Variants in GLG1 observed in about 807,000 individuals in gnomAD.
The protein encoded by GLG1 is Golgi apparatus protein 1.
Under a neutral mutation model 160.5 loss-of-function variants are expected in GLG1, and 38 were observed. That is an observed-to-expected ratio of 0.24 (90% CI 0.18 to 0.31). GLG1 has a LOEUF of 0.31. GLG1 is among the 10% of genes least tolerant of loss of function. The probability of loss-of-function intolerance (pLI) is 1.00; values close to 1 mark genes in which losing one functional copy is unlikely to be tolerated. For synonymous variants in GLG1, 644 were observed against 543.4 expected (o/e 1.19, Z -2.57); for missense variants, 1,373 against 1,505.2 (o/e 0.91, Z 1.45).
At chr16:74,489,378 G>A (rs893744090) in intron 8 of GLG1, among the ~76,000 whole-genome samples, 2 of 151,932 alleles carry the variant, frequency 1.3e-5, no homozygotes, top group African/African-American at 4.8e-5. Flanking sequence ...GGTTGAGGCA[G>A]GAGAATCATT....
At chr16:74,574,349 T>C (rs2018926191) in intron 1 of GLG1, among the ~76,000 whole-genome samples, 1 of 152,162 alleles carries the variant, frequency 6.6e-6, no homozygotes, top group South Asian at 2.1e-4. Context: ...AAATATTATC[T>C]AATATAAAAG....
intron 1 of GLG1, among the ~76,000 whole-genome samples, chr16:74,591,919 T>C (rs938734570): frequency 1.3e-5 from 2 of 152,194 alleles, no homozygotes; most frequent in African/African-American, 2.4e-5. Context: ...TTTCCTTTGA[T>C]AGGCAGTATT....
intron 1 of GLG1, among the ~76,000 whole-genome samples, chr16:74,576,809 A>G (rs574067486): frequency 1.3e-5 from 2 of 152,316 alleles, no homozygotes; most frequent in South Asian, 4.1e-4. Context: ...ATAATCTTTG[A>G]GTATACTTTC....
At chr16:74,472,275 T>A in intron 14 of GLG1, 74 bp downstream of exon 14, 1 of 947,908 alleles carries the variant, frequency 1.1e-6, no homozygotes, top group South Asian at 1.3e-5. Context: ...CAGAGGTGAG[T>A]CTGAGATACT....
chr16:74,473,305 C>T (rs933942908), intron 13 of GLG1, among the ~76,000 whole-genome samples: 4 of 152,094 alleles, frequency 2.6e-5, no homozygotes, highest in Non-Finnish European at 5.9e-5. Flanking sequence ...CCTCCGCCTC[C>T]CGGGTTCAAG....
intron 16 of GLG1, chr16:74,469,335 T>G (rs1044903581): frequency 8.5e-6 from 4 of 471,440 alleles, no homozygotes; most frequent in Non-Finnish European, 1.5e-5. Flanking sequence ...CAGTTCAACA[T>G]CTGTGTTAAA....
intron 3 of GLG1, among the ~76,000 whole-genome samples, chr16:74,506,607 C>CAAAAAA (rs1567489940): frequency 3.3e-4 from 42 of 126,624 alleles, no homozygotes; most frequent in East Asian, 1.6e-3. Flanking sequence ...AAAAAAAACT[C>CAAAAAA]AAGAGAAACC....
At chr16:74,591,320 G>C (rs1293231130) in intron 1 of GLG1, among the ~76,000 whole-genome samples, 1 of 146,002 alleles carries the variant, frequency 6.8e-6, no homozygotes, top group Non-Finnish European at 1.5e-5. Context: ...GACAAAGCAA[G>C]ACTCCATCTC....
chr16:74,550,780 CTATAAA>C (rs1377409404), intron 1 of GLG1, among the ~76,000 whole-genome samples: 1 of 151,862 alleles, frequency 6.6e-6, no homozygotes, highest in Non-Finnish European at 1.5e-5. Context: ...TTTAGTGATA[CTATAAA>C]TATAAAGGTG....
In GLG1 at chr16:74,496,768, T is replaced by C. The variant is rs536889285; in HGVS notation, c.775-124A>G. 4.3e-4 allele frequency: 288 copies of C among 664,214 alleles called. No homozygotes were observed. In the African/African-American group the frequency reaches 4.7e-3, roughly 11 times the overall value. The allele number at this position is 664,214 out of a possible 1,614,324, so 41.1% of individuals were successfully genotyped here. A position where few individuals can be genotyped will look rare whatever the true frequency, so the allele number is the denominator to read the frequency against. On this transcript the variant is annotated intron_variant, in intron 4 of 25. Coordinates refer to ENST00000422840, the MANE Select transcript of GLG1 (RefSeq NM_001145667.2). ...CACACAAAGTAATAAAACCCCATCA[T>C]AGAGTTGACTTATTAACGTTCTACC...
At chr16:74,506,607 C>G (rs55675596) in intron 3 of GLG1, among the ~76,000 whole-genome samples, 114,666 of 126,054 alleles carry the variant, frequency 0.91, 52,249 homozygotes, top group East Asian at 0.96. Context: ...AAAAAAAACT[C>G]AAGAGAAACC....
intron 1 of GLG1, among the ~76,000 whole-genome samples, chr16:74,574,116 G>A (rs1193033773): frequency 6.6e-6 from 1 of 152,154 alleles, no homozygotes; most frequent in Non-Finnish European, 1.5e-5. Context: ...AAGTAGCTCA[G>A]CCTAAAGATA....
At chr16:74,548,763 A>G (rs193097856) in intron 1 of GLG1, among the ~76,000 whole-genome samples, 140 of 152,308 alleles carry the variant, frequency 9.2e-4, no homozygotes, top group African/African-American at 3.2e-3. Flanking sequence ...TGTGAGGCTG[A>G]GACAAGCGGA....
intron 1 of GLG1, among the ~76,000 whole-genome samples, chr16:74,541,347 CT>C (rs1449975191): frequency 7.3e-6 from 1 of 137,782 alleles, no homozygotes; most frequent in East Asian, 2.1e-4. Context: ...AAAAAAAAGT[CT>C]AAAATCAGCT....
chr16:74,496,525 C>T lies in GLG1; in HGVS notation c.894G>A (p.Val298=), dbSNP rs1175132060. ...GAAAGTCATCCGATGACAGCTCAGC[C>T]ACCCGGAGAATGGCTTTCTTGCAGA... ...SELCKKAILR[V]AELSSDDFHL... Residue 298 remains valine (V), a synonymous_variant, in exon 5 of 26, where the codon GTG becomes GTA. Coordinates refer to ENST00000422840, the MANE Select transcript of GLG1 (RefSeq NM_001145667.2). The T allele has an allele frequency of 6.2e-7, 1 of 1,613,864 alleles. No individual in the cohort carries two copies.
chr16:74,490,339 T>C (rs573599283), intron 8 of GLG1, among the ~76,000 whole-genome samples: 5 of 152,128 alleles, frequency 3.3e-5, no homozygotes, highest in Admixed American at 6.5e-5. Flanking sequence ...GGTTTAGTGA[T>C]AGAAAAAGGA....
chr16:74,465,597 CTGAGG>C, intron 19 of GLG1, 74 bp downstream of exon 19: 1 of 1,426,764 alleles, frequency 7.0e-7, no homozygotes, highest in Non-Finnish European at 9.8e-7. Flanking sequence ...AAAGCTGAGC[CTGAGG>C]AAGTTGCTGC....
rs1264021447 is a variant in GLG1 at position 74,554,438 on chromosome 16, G to A, written c.439-22285C>T. Among the ~76,000 whole-genome samples, 6 of 152,214 alleles carry A rather than the reference G, an allele frequency of 3.9e-5. No homozygotes were observed. The East Asian group carries it at 7.7e-4, about 20-fold the overall frequency. On this transcript the variant is annotated intron_variant, in intron 1 of 25. Coordinates refer to ENST00000422840, the MANE Select transcript of GLG1 (RefSeq NM_001145667.2). ...AACCCCAGGTACTCGGGAGGCTGAG[G>A]CAGGACAATCACTTCATCCCAGGAA...
rs1451965685 is a variant in GLG1 at position 74,448,542 on chromosome 16, G to A, written c.*4625C>T. ...AGGTGGGTGGACCACATGTGGTCAG[G>A]AGTTCGAAACCAGCGTGGCCAACAT... On this transcript the variant is annotated 3_prime_UTR_variant, in exon 26 of 26. Transcript: ENST00000422840. 3 of 152,168 alleles carry A rather than the reference G, an allele frequency of 2.0e-5. No homozygotes were observed. Among genetic ancestry groups the A allele is most frequent in the African/African-American group, 4.8e-5 (2 of 41,428 alleles). 9.4% of individuals were successfully genotyped at this position (152,168 alleles called of 1,614,324 possible). A position where few individuals can be genotyped will look rare whatever the true frequency, so the allele number is the denominator to read the frequency against.
Sources: allele counts gnomAD v4.1 joint callset (sites outside exome capture counted in the v4.1 genomes callset), GRCh38; gene constraint gnomAD v4.1.1; transcripts MANE v1.5; gene names NCBI Gene and HGNC (gene_info 2026-07-23, HGNC 2026-07-21).